The following GPR89A variants were observed in gnomAD, a reference collection of about 807,000 sequenced individuals.
GPR89A encodes the protein golgi pH regulator A.
GPR89A carries 16 observed loss-of-function variants against 52.0 expected under a neutral mutation model. The ratio of observed to expected loss-of-function variants is 0.31; its 90% confidence interval spans 0.21 to 0.47. The LOEUF is 0.47. GPR89A is among the 20% of genes least tolerant of loss of function. The pLI, the probability that GPR89A is intolerant of heterozygous loss-of-function variation, is 1.00. For missense variants in GPR89A, 135 were observed against 449.4 expected (o/e 0.30, Z 6.33); for synonymous variants, 55 against 150.9 (o/e 0.36, Z 4.66).
intron 10 of GPR89A, among the ~76,000 whole-genome samples, chr1:145,657,613 G>A (rs1265865775): frequency 2.0e-5 from 3 of 152,016 alleles, no homozygotes; most frequent in Non-Finnish European, 4.4e-5. Flanking sequence ...AGCCGTCTGG[G>A]CCTGGAGTTT....
At chr1:145,639,200 C>A (rs1463355806) in intron 7 of GPR89A, among the ~76,000 whole-genome samples, 1 of 151,672 alleles carries the variant, frequency 6.6e-6, no homozygotes, top group African/African-American at 2.4e-5. Context: ...GATGTTAATT[C>A]TCCCCAAATT....
chr1:145,629,127 A>G (rs1649720041), intron 5 of GPR89A, among the ~76,000 whole-genome samples: 1 of 152,102 alleles, frequency 6.6e-6, no homozygotes, highest in East Asian at 1.9e-4. Flanking sequence ...ACCAAAAACA[A>G]ATAGCACCAA....
chr1:145,633,014 T>A (rs1356374809), intron 7 of GPR89A, among the ~76,000 whole-genome samples: 2 of 150,370 alleles, frequency 1.3e-5, no homozygotes, highest in Non-Finnish European at 3.0e-5. Context: ...AAACATTGTT[T>A]GATATATCTG....
intron 7 of GPR89A, among the ~76,000 whole-genome samples, chr1:145,639,319 T>C (rs1332021375): frequency 6.6e-6 from 1 of 152,014 alleles, no homozygotes; most frequent in Non-Finnish European, 1.5e-5. Context: ...ACTAGAATAG[T>C]TAATACAATT....
chr1:145,669,545 A>G, intron 12 of GPR89A, 80 bp from the exon 13 acceptor site: 1 of 1,425,596 alleles, frequency 7.0e-7, no homozygotes, highest in Non-Finnish European at 9.9e-7. Context: ...CTTTTAATCA[A>G]ATGTTAACCA....
chr1:145,634,204 C>T (rs1423244245), intron 7 of GPR89A, among the ~76,000 whole-genome samples: 4 of 151,664 alleles, frequency 2.6e-5, no homozygotes, highest in African/African-American at 9.7e-5. Context: ...CTCAGCCTCC[C>T]GAGTATCTGG....
intron 3 of GPR89A, among the ~76,000 whole-genome samples, chr1:145,619,501 A>T (rs1553687671): frequency 6.6e-6 from 1 of 152,058 alleles, no homozygotes; most frequent in Non-Finnish European, 1.5e-5. Flanking sequence ...AGTGCCAGCT[A>T]CCCTGGAGGC....
rs1168626437 is a variant in GPR89A, at chr1:145,660,608, A to G, written c.910-2721A>G. On this transcript the variant is annotated intron_variant, in intron 10 of 13. Coordinates refer to ENST00000313835, the MANE Select transcript of GPR89A (RefSeq NM_001097612.2). Reference sequence around the variant, plus strand: ...TACAATGAACTCAAACAAGTTTACAAGAAAAAAACAAACAACCCCATCAAA... The same window carrying G: ...TACAATGAACTCAAACAAGTTTACAGGAAAAAAACAAACAACCCCATCAAA... Among the ~76,000 whole-genome samples the G allele has an allele frequency of 2.6e-4, 40 of 152,298 alleles. 1 individual carries two copies. The South Asian group carries it at 4.3e-3, about 17-fold the overall frequency.
At chr1:145,646,589 A>G in intron 9 of GPR89A, 1 of 392,876 alleles carries the variant, frequency 2.5e-6, no homozygotes, top group South Asian at 3.3e-5. Context: ...ATTCCTTTAT[A>G]AGTTAGTAAT....
At chr1:145,613,818 G>T (rs1193952493) in intron 1 of GPR89A, among the ~76,000 whole-genome samples, 5 of 150,856 alleles carry the variant, frequency 3.3e-5, no homozygotes, top group East Asian at 3.9e-4. Context: ...ACAGGGTTTC[G>T]CTCTGTCACC....
chr1:145,637,149 TG>T lies in GPR89A; in HGVS notation c.617+5406del, dbSNP rs1320176701. Among the ~76,000 whole-genome samples the T allele has an allele frequency of 7.9e-5, 12 of 151,846 alleles. No individual in the cohort carries two copies. In the East Asian group the frequency reaches 2.1e-3, roughly 27 times the overall value. ...TTTGCAAGGTTGCTGTGCCTTTGAT[TG>T]AGTGCATTTTCTGAGCTATGTGCAG... On this transcript the variant is annotated intron_variant, in intron 7 of 13. Transcript: ENST00000313835.
intron 10 of GPR89A, among the ~76,000 whole-genome samples, chr1:145,660,685 G>A (rs587625088): frequency 5.3e-5 from 8 of 151,828 alleles, no homozygotes; most frequent in South Asian, 4.1e-4. Context: ...CTTTTATGCC[G>A]CCAAAAAACA....
At chr1:145,619,355 A>C (rs1553687640) in intron 3 of GPR89A, among the ~76,000 whole-genome samples, 1 of 150,938 alleles carries the variant, frequency 6.6e-6, no homozygotes, top group African/African-American at 2.4e-5. Context: ...CACGCCTATA[A>C]TCCTAGCACT....
At chr1:145,617,052 T>C (rs1648756670) in intron 2 of GPR89A, among the ~76,000 whole-genome samples, 1 of 152,176 alleles carries the variant, frequency 6.6e-6, no homozygotes. Flanking sequence ...CCAGTCTGAC[T>C]AGAATTTACC....
chr1:145,649,629 T>G (rs1651311617), intron 10 of GPR89A, among the ~76,000 whole-genome samples: 1 of 152,154 alleles, frequency 6.6e-6, no homozygotes, highest in African/African-American at 2.4e-5. Flanking sequence ...CAATTTTGTG[T>G]ATAGACGTGT....
intron 10 of GPR89A, among the ~76,000 whole-genome samples, chr1:145,659,880 G>T (rs2101833839): frequency 6.8e-6 from 1 of 146,300 alleles, no homozygotes; most frequent in South Asian, 2.2e-4. Context: ...CCATTTTCAT[G>T]ATATTGATTC....
At chr1:145,619,069 C>G (rs1166988143) in intron 3 of GPR89A, among the ~76,000 whole-genome samples, 1 of 152,084 alleles carries the variant, frequency 6.6e-6, no homozygotes, top group African/African-American at 2.4e-5. Flanking sequence ...CTATGCTATG[C>G]AGACTTTGTT....
chr1:145,627,448 C>G (rs1269125033), intron 5 of GPR89A, among the ~76,000 whole-genome samples: 1 of 150,910 alleles, frequency 6.6e-6, no homozygotes, highest in African/African-American at 2.4e-5. Context: ...AAACAAAGAT[C>G]AATAAGAAAT....
At chr1:145,655,305 C>T (rs1651740389) in intron 10 of GPR89A, among the ~76,000 whole-genome samples, 2 of 152,008 alleles carry the variant, frequency 1.3e-5, no homozygotes, top group African/African-American at 4.8e-5. Context: ...GTCAGTGCAT[C>T]CATCTCAGCC....
Sources: allele counts gnomAD v4.1 joint callset (sites outside exome capture counted in the v4.1 genomes callset), GRCh38; gene constraint gnomAD v4.1.1; transcripts MANE v1.5; gene names NCBI Gene and HGNC (gene_info 2026-07-23, HGNC 2026-07-21).